Variants in PPP1R3A observed in about 807,000 individuals in gnomAD.
PPP1R3A encodes the protein protein phosphatase 1 regulatory subunit 3A.
PPP1R3A carries 29 observed loss-of-function variants against 41.7 expected under a neutral mutation model. The observed-to-expected ratio is 0.70, with a 90% CI of 0.52 to 0.95. The LOEUF is 0.95. PPP1R3A is among the 40% of genes least tolerant of loss of function. The probability of loss-of-function intolerance (pLI) is 0.00; values close to 1 mark genes in which losing one functional copy is unlikely to be tolerated. For synonymous variants in PPP1R3A, 485 were observed against 453.4 expected, an observed-to-expected ratio of 1.07 and a Z score of -0.89; for missense variants, 1,352 against 1,292.4, an observed-to-expected ratio of 1.05 and a Z score of -0.71.
chr7:113,895,898 T>C (rs1157131340), intron 1 of PPP1R3A, among the ~76,000 whole-genome samples: 1 of 151,942 alleles, frequency 6.6e-6, no homozygotes, highest in African/African-American at 2.4e-5. Flanking sequence ...ATCATCTTAA[T>C]GCACCTTTTT....
intron 1 of PPP1R3A, among the ~76,000 whole-genome samples, chr7:113,914,434 G>A (rs1300911192): frequency 6.6e-6 from 1 of 151,966 alleles, no homozygotes; most frequent in Non-Finnish European, 1.5e-5. Context: ...ACATTCCTAA[G>A]TTCTCTTCCA....
chr7:113,878,089 C>T lies in PPP1R3A; in HGVS notation c.3003G>A (p.Glu1001=). The T allele has an allele frequency of 6.2e-7, 1 of 1,613,370 alleles. No homozygotes were observed. Among genetic ancestry groups the T allele is most frequent in the East Asian group, 2.2e-5 (1 of 44,810 alleles). ...RCIGQIFQTE[E]YSVEKSLGPM... ...GCCCTAGAGATTTTTCCACACTATA[C>T]TCTTCTGTTTGGAAAATCTGGCCTA... Residue 1001 remains glutamate (E), a synonymous_variant, in exon 4 of 4, where the codon GAG becomes GAA. Transcript: ENST00000284601.
intron 1 of PPP1R3A, among the ~76,000 whole-genome samples, chr7:113,907,189 T>C (rs1347728230): frequency 6.6e-6 from 1 of 151,696 alleles, no homozygotes; most frequent in Non-Finnish European, 1.5e-5. Context: ...CCCCATAATG[T>C]ATTGTTTTTA....
In PPP1R3A at chr7:113,878,761, T is replaced by C. The variant is rs1796621765; in HGVS notation, c.2331A>G (p.Glu777=). Residue 777 remains glutamate, a synonymous_variant, in exon 4 of 4, where the codon GAA becomes GAG. Transcript: ENST00000284601. ...TATAATGTGAATCATCATTTCTCCC[T>C]TCATGTGGATCAAACGCTGTTTCCT... ...EVKETAFDPH[E]GRNDDSHYTL... 6.2e-7 allele frequency: 1 copy of C among 1,613,458 alleles called. No homozygotes were observed. The highest frequency in any genetic ancestry group is 1.3e-5 in the African/African-American group (1 of 74,884).
chr7:113,878,628 T>C lies in PPP1R3A; in HGVS notation c.2464A>G (p.Thr822Ala), dbSNP rs151089821. ...VRVDEMEKEE[T>A]MSMYNPRKTH... ...TTCCTAGGATTGTACATAGACATGG[T>C]TTCTTCCTTCTCCATTTCATCTACA... Residue 822 changes from threonine to alanine, a missense_variant, in exon 4 of 4, where the codon ACC becomes GCC. Coordinates refer to ENST00000284601, the MANE Select transcript of PPP1R3A (RefSeq NM_002711.4). 1.7e-5 allele frequency: 27 copies of C among 1,613,320 alleles called. No individual in the cohort carries two copies. The African/African-American group carries it at 3.1e-4, about 18-fold the overall frequency.
Position 113,879,342 on chromosome 7 carries a change from A to T in PPP1R3A, c.1750T>A (p.Ser584Thr). The change falls in exon 4 of 4, where the codon TCA becomes ACA. Residue 584 changes from serine to threonine, a missense_variant. Ser to Thr is a moderately conservative substitution (Grantham distance 58). Coordinates refer to ENST00000284601, the MANE Select transcript of PPP1R3A (RefSeq NM_002711.4). ...TRAITADVSH[S>T]PRTNLSWEEA... is the part of the protein sequence containing the mutation. ...TCCCAACTTAAATTTGTCCTTGGTG[A>T]ATGAGACACATCTGCTGTGATTGCC... 1 of 1,613,638 alleles carries T rather than the reference A, an allele frequency of 6.2e-7. No homozygotes were observed. The highest frequency in any genetic ancestry group is 1.1e-5 in the South Asian group (1 of 91,080).
At chr7:113,904,523 C>T (rs1351328451) in intron 1 of PPP1R3A, among the ~76,000 whole-genome samples, 1 of 151,676 alleles carries the variant, frequency 6.6e-6, no homozygotes, top group African/African-American at 2.4e-5. Context: ...GTTGTCAATA[C>T]ACTACAGTTC....
chr7:113,884,818 T>G (rs75305182), intron 1 of PPP1R3A, among the ~76,000 whole-genome samples: 5 of 152,128 alleles, frequency 3.3e-5, no homozygotes, highest in African/African-American at 1.2e-4. Flanking sequence ...GAATACATAA[T>G]GAACTCCTAC....
chr7:113,879,712 T>C lies in PPP1R3A; in HGVS notation c.1380A>G (p.Gln460=), dbSNP rs1301448991. The C allele has an allele frequency of 1.4e-5, 23 of 1,613,306 alleles. No individual in the cohort carries two copies. Among genetic ancestry groups the C allele is most frequent in the Non-Finnish European group, 1.8e-5 (21 of 1,179,666 alleles). Residue 460 remains glutamine (Q), a synonymous_variant, in exon 4 of 4, where the codon CAA becomes CAG. Coordinates refer to ENST00000284601, the MANE Select transcript of PPP1R3A (RefSeq NM_002711.4). The part of the protein sequence containing the change: ...TVQIPCPSSD[Q]LMAGNLNKKH... ...TTTTATTAAGGTTTCCTGCCATTAG[T>C]TGATCTGAAGAGGGGCAAGGTATTT...
rs1796602709 is a variant in PPP1R3A, at chr7:113,878,043, G to T, written c.3049C>A (p.Pro1017Thr). The T allele has an allele frequency of 6.2e-7, 1 of 1,613,224 alleles. No homozygotes were observed. The highest frequency in any genetic ancestry group is 8.5e-7 in the Non-Finnish European group (1 of 1,179,590). ...CTTGCTTCTTCCATATTCTCAAGAG[G>T]TTTGTTGATTAAAATCATTGGCCCT... ...SLGPMILINK[P>T]LENMEEARHE... is the part of the protein sequence containing the mutation. Residue 1017 changes from proline to threonine, a missense_variant, in exon 4 of 4, where the codon CCT (proline) becomes ACT (threonine). Coordinates refer to ENST00000284601, the MANE Select transcript of PPP1R3A (RefSeq NM_002711.4).
intron 1 of PPP1R3A, among the ~76,000 whole-genome samples, chr7:113,884,163 C>G (rs907178545): frequency 2.6e-5 from 4 of 151,646 alleles, no homozygotes; most frequent in Admixed American, 6.6e-5. Flanking sequence ...ATAAACATAC[C>G]ATGTTCATAG....
Position 113,882,562 on chromosome 7 carries a change from C to T in PPP1R3A, c.783-242G>A, listed in dbSNP as rs192551008. ...ACAATGCCATATTTCTAAACAGAAA[C>T]ACACTCTATTTCTTAATATTTAAGA... On this transcript the variant is annotated intron_variant, in intron 1 of 3. Coordinates refer to ENST00000284601, the MANE Select transcript of PPP1R3A (RefSeq NM_002711.4). Among the ~76,000 whole-genome samples the T allele has an allele frequency of 1.4e-3, 215 of 151,940 alleles. 3 individuals are homozygous for T. Among genetic ancestry groups the T allele is most frequent in the Middle Eastern group, 0.014 (4 of 292 alleles).
intron 1 of PPP1R3A, among the ~76,000 whole-genome samples, chr7:113,907,557 G>T (rs1797167200): frequency 6.6e-6 from 1 of 151,318 alleles, no homozygotes; most frequent in African/African-American, 2.4e-5. Context: ...CCATCACCCT[G>T]CCTATATTAT....
rs898063708 is a variant in PPP1R3A, at chr7:113,891,109, A to C, written c.783-8789T>G. ...CAAAAAAAAAAAAAAAAAAAAAAAAAAAAAACCCTGCATGCAAATCTCAGT... is the reference window on the plus strand; with the variant it reads ...CAAAAAAAAAAAAAAAAAAAAAAAACAAAAACCCTGCATGCAAATCTCAGT... On this transcript the variant is annotated intron_variant, in intron 1 of 3. Coordinates refer to ENST00000284601, the MANE Select transcript of PPP1R3A (RefSeq NM_002711.4). 2.5e-4 allele frequency among the ~76,000 whole-genome samples: 38 copies of C among 150,516 alleles called. 1 individual carries two copies. Among genetic ancestry groups the C allele is most frequent in the Admixed American group, 2.5e-3 (37 of 14,994 alleles).
chr7:113,907,627 G>A (rs1797168684), intron 1 of PPP1R3A, among the ~76,000 whole-genome samples: 1 of 151,568 alleles, frequency 6.6e-6, no homozygotes, highest in South Asian at 2.1e-4. Flanking sequence ...TAATAAATGA[G>A]CTTTGAAAGT....
intron 1 of PPP1R3A, among the ~76,000 whole-genome samples, chr7:113,913,957 C>A (rs1283729889): frequency 2.0e-5 from 3 of 152,046 alleles, no homozygotes; most frequent in Non-Finnish European, 4.4e-5. Flanking sequence ...AGCCACATTT[C>A]TCAGTTATCG....
At chr7:113,891,984 G>C (rs1248273770) in intron 1 of PPP1R3A, among the ~76,000 whole-genome samples, 1 of 151,962 alleles carries the variant, frequency 6.6e-6, no homozygotes, top group Admixed American at 6.6e-5. Context: ...GCATGAAAAG[G>C]GATCATTGCC....
intron 1 of PPP1R3A, among the ~76,000 whole-genome samples, chr7:113,910,930 T>G (rs1797234384): frequency 6.6e-6 from 1 of 152,126 alleles, no homozygotes; most frequent in South Asian, 2.1e-4. Flanking sequence ...TGAATCCTTT[T>G]TACTACTGCA....
chr7:113,913,271 A>G (rs1424005051), intron 1 of PPP1R3A, among the ~76,000 whole-genome samples: 1 of 152,100 alleles, frequency 6.6e-6, no homozygotes, highest in Non-Finnish European at 1.5e-5. Context: ...GTATGCGTAA[A>G]TTAAGGAAGT....
Sources: gnomAD v4.1 joint callset for allele counts (sites outside exome capture counted in the v4.1 genomes callset) on GRCh38, gnomAD v4.1.1 for gene constraint, MANE v1.5 for transcripts, NCBI Gene and HGNC (gene_info 2026-07-23, HGNC 2026-07-21) for gene names.